FRMD4A: variants seen among roughly 807,000 people sequenced by gnomAD.
The protein encoded by FRMD4A is FERM domain containing 4A.
FRMD4A carries 29 observed loss-of-function variants against 129.1 expected under a neutral mutation model. That is an observed-to-expected ratio of 0.22 (90% CI 0.17 to 0.31). FRMD4A has a LOEUF of 0.31. Ranked by LOEUF, FRMD4A falls within the 10% of genes least tolerant of loss-of-function variation. FRMD4A has a pLI of 1.00. For synonymous variants in FRMD4A, 634 were observed against 571.6 expected (o/e 1.11, Z -1.56); for missense variants, 1,272 against 1,375.8 (o/e 0.92, Z 1.19).
At chr10:13,648,981 T>C (rs1173314775) in intron 24 of FRMD4A, among the ~76,000 whole-genome samples, 2 of 151,248 alleles carry the variant, frequency 1.3e-5, no homozygotes, top group Non-Finnish European at 2.9e-5. Flanking sequence ...AGGCCTGAAA[T>C]GTAAATGTAT....
At chr10:14,305,349 A>G (rs953360192) in intron 2 of FRMD4A, among the ~76,000 whole-genome samples, 8 of 152,238 alleles carry the variant, frequency 5.3e-5, no homozygotes, top group Admixed American at 2.0e-4. Context: ...CATACTGCAC[A>G]CATGAAATTG....
At chr10:13,980,622 A>T (rs2095557195) in intron 2 of FRMD4A, among the ~76,000 whole-genome samples, 1 of 152,148 alleles carries the variant, frequency 6.6e-6, no homozygotes, top group South Asian at 2.1e-4. Flanking sequence ...TGGGAAGCTG[A>T]GGCTGGAGGA....
intron 2 of FRMD4A, among the ~76,000 whole-genome samples, chr10:14,101,447 A>G (rs925875843): frequency 1.3e-5 from 2 of 152,194 alleles, no homozygotes; most frequent in South Asian, 2.1e-4. Flanking sequence ...GATACTCACC[A>G]TTGGCTGAAA....
At chr10:13,769,335 G>T (rs972345363) in intron 6 of FRMD4A, among the ~76,000 whole-genome samples, 16 of 150,698 alleles carry the variant, frequency 1.1e-4, no homozygotes, top group African/African-American at 3.9e-4. Context: ...TTGAGACAGG[G>T]TCTTGCTCTG....
At chr10:14,178,297 T>C (rs149133428) in intron 2 of FRMD4A, among the ~76,000 whole-genome samples, 81 of 152,378 alleles carry the variant, frequency 5.3e-4, no homozygotes, top group African/African-American at 1.8e-3. Flanking sequence ...TATTTTATTT[T>C]AGACTATTAG....
chr10:14,292,482 C>T (rs998652450), intron 2 of FRMD4A, among the ~76,000 whole-genome samples: 1 of 152,196 alleles, frequency 6.6e-6, no homozygotes, highest in African/African-American at 2.4e-5. Flanking sequence ...CAAAATACAT[C>T]CCTGGTGAAT....
intron 2 of FRMD4A, among the ~76,000 whole-genome samples, chr10:14,239,438 T>C (rs897762828): frequency 1.7e-4 from 26 of 152,062 alleles, no homozygotes; most frequent in African/African-American, 6.3e-4. Context: ...CCATCCTGGC[T>C]AACATGGTGA....
intron 2 of FRMD4A, among the ~76,000 whole-genome samples, chr10:14,279,249 C>T (rs985336124): frequency 2.8e-5 from 4 of 141,320 alleles, no homozygotes; most frequent in South Asian, 2.2e-4. Flanking sequence ...AGTAGAGTGG[C>T]GCCATCCTGG....
chr10:13,660,590 T>A, intron 19 of FRMD4A, 37 bp from the exon 20 acceptor site: 1 of 1,333,900 alleles, frequency 7.5e-7, no homozygotes, highest in Non-Finnish European at 1.1e-6. Context: ...TGAGCCCCGG[T>A]CATCCTTCCC....
chr10:13,683,308 G>A (rs2084779192), intron 15 of FRMD4A, among the ~76,000 whole-genome samples: 1 of 152,150 alleles, frequency 6.6e-6, no homozygotes, highest in South Asian at 2.1e-4. Flanking sequence ...GAATAGGCCG[G>A]GCCTGGTGGC....
At chr10:13,884,409 TG>T (rs2094594903) in intron 2 of FRMD4A, among the ~76,000 whole-genome samples, 1 of 152,164 alleles carries the variant, frequency 6.6e-6, no homozygotes, top group African/African-American at 2.4e-5. Context: ...GTGATTACAG[TG>T]TTGCCTTTTT....
intron 2 of FRMD4A, among the ~76,000 whole-genome samples, chr10:14,035,769 C>A (rs1833469995): frequency 6.6e-6 from 1 of 152,182 alleles, no homozygotes; most frequent in Admixed American, 6.5e-5. Flanking sequence ...TCACACTGTT[C>A]CTATGAAATA....
At chr10:14,154,887 T>C (rs17154745) in intron 2 of FRMD4A, among the ~76,000 whole-genome samples, 11,436 of 152,308 alleles carry the variant, frequency 0.075, 600 homozygotes, top group African/African-American at 0.14. Context: ...TCTCTAGTCT[T>C]TCTTTGTTGG....
intron 2 of FRMD4A, among the ~76,000 whole-genome samples, chr10:14,237,759 G>A (rs1589214222): frequency 6.6e-6 from 1 of 152,316 alleles, no homozygotes; most frequent in East Asian, 1.9e-4. Context: ...GTAGGCAAAT[G>A]CTCTTCATTA....
chr10:13,892,724 A>G (rs890081870), intron 2 of FRMD4A, among the ~76,000 whole-genome samples: 7 of 152,162 alleles, frequency 4.6e-5, no homozygotes, highest in African/African-American at 1.7e-4. Context: ...TCTTCAGGGG[A>G]GAGACTGGTT....
At chr10:13,748,265 A>G (rs10906466) in intron 8 of FRMD4A, among the ~76,000 whole-genome samples, 107,317 of 152,120 alleles carry the variant, frequency 0.71, 38,425 homozygotes, top group African/African-American at 0.76. Flanking sequence ...CCCTAAGAGC[A>G]TTTGCGCTGC....
chr10:14,261,596 G>A (rs1425826067), intron 2 of FRMD4A, among the ~76,000 whole-genome samples: 1 of 152,140 alleles, frequency 6.6e-6, no homozygotes, highest in Non-Finnish European at 1.5e-5. Context: ...CCATTGCAAT[G>A]CCAACCTATC....
chr10:13,946,510 A>C (rs1399633581), intron 2 of FRMD4A, among the ~76,000 whole-genome samples: 6 of 152,208 alleles, frequency 3.9e-5, no homozygotes, highest in Non-Finnish European at 7.3e-5. Flanking sequence ...TAGACACTGA[A>C]CACATCCCAC....
chr10:13,818,768 T>C (rs904640831), intron 3 of FRMD4A, among the ~76,000 whole-genome samples: 3 of 152,354 alleles, frequency 2.0e-5, no homozygotes, highest in African/African-American at 7.2e-5. Flanking sequence ...GTACTTAGAA[T>C]ATGCCTGGCA....
Sources: allele counts gnomAD v4.1 joint callset (sites outside exome capture counted in the v4.1 genomes callset), GRCh38; gene constraint gnomAD v4.1.1; transcripts MANE v1.5; gene names NCBI Gene and HGNC (gene_info 2026-07-23, HGNC 2026-07-21).